CSMD1: variants seen among roughly 807,000 people sequenced by gnomAD.
CSMD1 encodes the protein CUB and Sushi multiple domains 1.
A neutral mutation model predicts 417.5 loss-of-function variants in CSMD1; 213 were observed. That is an observed-to-expected ratio of 0.51 (90% CI 0.46 to 0.57). The LOEUF (loss-of-function observed/expected upper bound fraction) is 0.57, where lower values mean the gene tolerates loss of function less well. CSMD1 is among the 20% of genes least tolerant of loss of function. The pLI, the probability that CSMD1 is intolerant of heterozygous loss-of-function variation, is 0.00. For missense variants in CSMD1, 6,923 were observed against 4,529.7 expected, an observed-to-expected ratio of 1.53 and a Z score of -15.17; for synonymous variants, 2,862 against 1,736.8, an observed-to-expected ratio of 1.65 and a Z score of -16.11.
In CSMD1 at chr8:4,250,244, A is replaced by C. The variant is rs1802973123; in HGVS notation, c.415+169709T>G. 2.6e-5 allele frequency among the ~76,000 whole-genome samples: 4 copies of C among 152,352 alleles called. No individual in the cohort carries two copies. In the South Asian group the frequency reaches 8.3e-4, roughly 32 times the overall value. The stretch of plus-strand genomic sequence containing the variant: ...TACAACAACACAAATGTACTAAGAC[A>C]ACCTGCAAGAACAAAAAGCCTCTCT... On this transcript the variant is annotated intron_variant, in intron 3 of 69. Transcript: ENST00000635120.
At chr8:4,419,055 T>C (rs754031373) in intron 3 of CSMD1, among the ~76,000 whole-genome samples, 10 of 152,170 alleles carry the variant, frequency 6.6e-5, no homozygotes, top group Non-Finnish European at 1.3e-4. Context: ...TCCCACAAAA[T>C]ACGATTTTTG....
At chr8:4,224,795 T>C (rs1801246851) in intron 3 of CSMD1, among the ~76,000 whole-genome samples, 1 of 152,236 alleles carries the variant, frequency 6.6e-6, no homozygotes. Flanking sequence ...TGTTAAAATG[T>C]GTGTTCATAA....
chr8:3,585,647 T>A (rs1048950422), intron 9 of CSMD1, among the ~76,000 whole-genome samples: 1 of 152,210 alleles, frequency 6.6e-6, no homozygotes, highest in Non-Finnish European at 1.5e-5. Context: ...TATTTTACTC[T>A]GCTAACTATG....
intron 42 of CSMD1, among the ~76,000 whole-genome samples, chr8:3,115,687 T>A (rs955116122): frequency 6.6e-6 from 1 of 152,236 alleles, no homozygotes; most frequent in African/African-American, 2.4e-5. Context: ...ATTAATTTCA[T>A]AAAGTAGATT....
chr8:4,886,150 C>G (rs544952487), intron 1 of CSMD1, among the ~76,000 whole-genome samples: 2 of 152,012 alleles, frequency 1.3e-5, no homozygotes, highest in South Asian at 4.2e-4. Flanking sequence ...GCCACGACTC[C>G]CAGCTAATTT....
intron 1 of CSMD1, among the ~76,000 whole-genome samples, chr8:4,987,579 T>C (rs1390284534): frequency 6.6e-6 from 1 of 152,020 alleles, no homozygotes; most frequent in Non-Finnish European, 1.5e-5. Flanking sequence ...AAGTAAAAAA[T>C]AAAAAGCACT....
chr8:3,025,082 T>C (rs1014627628), intron 51 of CSMD1, among the ~76,000 whole-genome samples: 11 of 151,256 alleles, frequency 7.3e-5, no homozygotes, highest in Non-Finnish European at 8.8e-5. Context: ...GTGTATTGTG[T>C]GGTGTTATTC....
chr8:3,177,954 A>C lies in CSMD1; in HGVS notation c.5725+3156T>G, dbSNP rs73493926. Among the ~76,000 whole-genome samples the C allele has an allele frequency of 2.6e-3, 395 of 152,370 alleles. 2 individuals carry two copies. Among genetic ancestry groups the C allele is most frequent in the African/African-American group, 7.9e-3 (329 of 41,592 alleles). On this transcript the variant is annotated intron_variant, in intron 37 of 69. Transcript: ENST00000635120. ...GCAGAACAAGAGTGACACTTGTGTT[A>C]ATTCTCACATGTCCAGTTAAGTTAA...
intron 47 of CSMD1, among the ~76,000 whole-genome samples, chr8:3,095,721 C>T (rs917158100): frequency 6.6e-6 from 1 of 152,056 alleles, no homozygotes; most frequent in Non-Finnish European, 1.5e-5. Flanking sequence ...TATGTGAAAA[C>T]CCTGTTATTA....
At chr8:4,455,656 T>A (rs909336155) in intron 2 of CSMD1, among the ~76,000 whole-genome samples, 1 of 151,924 alleles carries the variant, frequency 6.6e-6, no homozygotes, top group African/African-American at 2.4e-5. Context: ...TGAGGCCAGA[T>A]ACAGTGGCTC....
chr8:3,399,525 T>G lies in CSMD1; in HGVS notation c.2271A>C (p.Pro757=). The G allele has an allele frequency of 6.3e-7, 1 of 1,592,512 alleles. No individual in the cohort carries two copies. The highest frequency in any genetic ancestry group is 1.2e-5 in the South Asian group (1 of 85,660). Residue 757 remains proline, a synonymous_variant, in exon 16 of 70, where the codon CCA becomes CCC. Transcript: ENST00000635120. ...TGGACGCTGTCAGATGTCCACCACA[T>G]GGAGCTAAAACAAGACGTAGAATAT... ...WSSTVPRCEA[P]CGGHLTASSG...
chr8:3,198,662 G>T (rs984877193), intron 33 of CSMD1, among the ~76,000 whole-genome samples: 2 of 151,852 alleles, frequency 1.3e-5, no homozygotes, highest in Admixed American at 6.6e-5. Flanking sequence ...AAAACTGAAG[G>T]GTTTTTACAC....
chr8:3,206,168 A>C (rs1440760660), intron 30 of CSMD1, among the ~76,000 whole-genome samples: 1 of 151,380 alleles, frequency 6.6e-6, no homozygotes, highest in Non-Finnish European at 1.5e-5. Context: ...ATTTAAAACT[A>C]AAAGAATCCA....
chr8:4,176,723 G>C (rs1438879314), intron 3 of CSMD1, among the ~76,000 whole-genome samples: 1 of 150,444 alleles, frequency 6.6e-6, no homozygotes, highest in East Asian at 1.9e-4. Context: ...CAAAATAAAA[G>C]GATGGAGGAA....
chr8:3,563,442 T>G (rs1171857375), intron 10 of CSMD1, among the ~76,000 whole-genome samples: 1 of 62,784 alleles, frequency 1.6e-5, no homozygotes, highest in Admixed American at 1.8e-4. Flanking sequence ...TATTAAAAGG[T>G]AAAAAAAAAA....
chr8:3,223,176 A>G (rs1236760095), intron 28 of CSMD1, among the ~76,000 whole-genome samples: 1 of 152,250 alleles, frequency 6.6e-6, no homozygotes, highest in African/African-American at 2.4e-5. Flanking sequence ...AAATGACTAC[A>G]GTATTAGACC....
At chr8:4,362,316 G>C (rs34145080) in intron 3 of CSMD1, among the ~76,000 whole-genome samples, 11,996 of 152,058 alleles carry the variant, frequency 0.079, 703 homozygotes, top group African/African-American at 0.16. Context: ...CTTGGCCCTG[G>C]GGTTGTAACT....
At chr8:3,752,029 G>A (rs1474657337) in intron 6 of CSMD1, among the ~76,000 whole-genome samples, 1 of 152,118 alleles carries the variant, frequency 6.6e-6, no homozygotes, top group Admixed American at 6.5e-5. Context: ...AGTGCAGACA[G>A]AATTTCTCTA....
chr8:3,416,334 TTAGA>T, intron 12 of CSMD1, among the ~76,000 whole-genome samples: 1 of 149,962 alleles, frequency 6.7e-6, no homozygotes, highest in South Asian at 2.1e-4. Flanking sequence ...AAAGTGTTCT[TTAGA>T]TATAGTTTAG....
Sources: allele counts gnomAD v4.1 joint callset (sites outside exome capture counted in the v4.1 genomes callset), GRCh38; gene constraint gnomAD v4.1.1; transcripts MANE v1.5; gene names NCBI Gene and HGNC (gene_info 2026-07-23, HGNC 2026-07-21).